ASIC2: variants seen among roughly 807,000 people sequenced by gnomAD.
ASIC2 encodes acid sensing ion channel subunit 2.
A neutral mutation model predicts 57.3 loss-of-function variants in ASIC2; 25 were observed. The ratio of observed to expected loss-of-function variants is 0.44; its 90% CI spans 0.32 to 0.61. The LOEUF (loss-of-function observed/expected upper bound fraction) is 0.61, where lower values mean the gene tolerates loss of function less well. Among genes scored for constraint, ASIC2 ranks in the 20% least tolerant of loss-of-function variants. ASIC2 has a pLI of 0.06. For missense variants in ASIC2, 641 were observed against 738.1 expected (o/e 0.87, Z 1.52); for synonymous variants, 319 against 307.5 (o/e 1.04, Z -0.39).
intron 1 of ASIC2, among the ~76,000 whole-genome samples, chr17:33,747,525 C>T (rs1910305158): frequency 6.6e-6 from 1 of 152,080 alleles, no homozygotes; most frequent in African/African-American, 2.4e-5. Context: ...GCCTGGCCAT[C>T]CTTCCCACAC....
chr17:33,584,164 C>T (rs1273754750), intron 1 of ASIC2, among the ~76,000 whole-genome samples: 3 of 152,188 alleles, frequency 2.0e-5, no homozygotes. Context: ...ATAAAACCCC[C>T]TCTACATCTG....
intron 1 of ASIC2, among the ~76,000 whole-genome samples, chr17:34,148,260 A>T (rs1395922010): frequency 6.6e-6 from 1 of 152,190 alleles, no homozygotes; most frequent in Non-Finnish European, 1.5e-5. Flanking sequence ...GCAAGTAGAC[A>T]TTGTGGGTCA....
At chr17:33,395,491 G>A (rs969726468) in intron 1 of ASIC2, among the ~76,000 whole-genome samples, 3 of 152,096 alleles carry the variant, frequency 2.0e-5, no homozygotes, top group Non-Finnish European at 4.4e-5. Context: ...AACAGCATAG[G>A]AAAGACCTTT....
chr17:33,208,026 C>A (rs1907132922), intron 1 of ASIC2, among the ~76,000 whole-genome samples: 1 of 152,150 alleles, frequency 6.6e-6, no homozygotes, highest in Admixed American at 6.5e-5. Flanking sequence ...TCTAGAGGAG[C>A]CAGACTAAGA....
intron 1 of ASIC2, chr17:34,118,239 C>T (rs1567828425): frequency 6.6e-6 from 1 of 152,144 alleles, no homozygotes; most frequent in African/African-American, 2.4e-5. Context: ...TAGTATACAC[C>T]TCACAGAGCT....
chr17:33,323,612 G>A (rs1460814149), intron 1 of ASIC2, among the ~76,000 whole-genome samples: 3 of 152,214 alleles, frequency 2.0e-5, no homozygotes, highest in African/African-American at 7.2e-5. Flanking sequence ...TACTTGGGAG[G>A]CTGAGGCAGG....
intron 1 of ASIC2, among the ~76,000 whole-genome samples, chr17:33,397,811 CT>C (rs1187886382): frequency 6.6e-6 from 1 of 152,242 alleles, no homozygotes; most frequent in Non-Finnish European, 1.5e-5. Context: ...TCTTCCACTT[CT>C]ACAACACTTT....
intron 1 of ASIC2, among the ~76,000 whole-genome samples, chr17:33,265,460 A>G (rs562401400): frequency 6.6e-6 from 1 of 152,306 alleles, no homozygotes; most frequent in East Asian, 1.9e-4. Flanking sequence ...CTGAACAATG[A>G]GAACACATGG....
chr17:33,061,486 C>T (rs1364588013), intron 3 of ASIC2, among the ~76,000 whole-genome samples: 1 of 152,172 alleles, frequency 6.6e-6, no homozygotes, highest in Non-Finnish European at 1.5e-5. Context: ...GTATGTTGAA[C>T]CAGCCTTGCA....
intron 1 of ASIC2, among the ~76,000 whole-genome samples, chr17:33,839,665 GC>G (rs1441078294): frequency 1.3e-5 from 2 of 152,136 alleles, no homozygotes; most frequent in Non-Finnish European, 2.9e-5. Context: ...AATTATTCTA[GC>G]TGGCTTGCTG....
At chr17:33,496,603 GTTTTTTTTTTTTTTTTTT>G (rs61267122) in intron 1 of ASIC2, among the ~76,000 whole-genome samples, 10 of 70,980 alleles carry the variant, frequency 1.4e-4, no homozygotes, top group East Asian at 5.8e-4. Context: ...GTTATTGTAG[GTTTTTTTTTTTTTTTTTT>G]TTTTTTTTTT....
intron 1 of ASIC2, among the ~76,000 whole-genome samples, chr17:33,459,818 G>A (rs1912576273): frequency 6.6e-6 from 1 of 152,190 alleles, no homozygotes; most frequent in South Asian, 2.1e-4. Context: ...CCCTTTCCAG[G>A]CTGAGCTCAG....
At chr17:33,636,197 A>G (rs1268016353) in intron 1 of ASIC2, among the ~76,000 whole-genome samples, 1 of 152,248 alleles carries the variant, frequency 6.6e-6, no homozygotes, top group East Asian at 1.9e-4. Flanking sequence ...TGCAAATAAA[A>G]CATACAGGGA....
chr17:33,303,430 A>G (rs1246315306), intron 1 of ASIC2, among the ~76,000 whole-genome samples: 1 of 152,210 alleles, frequency 6.6e-6, no homozygotes, highest in Non-Finnish European at 1.5e-5. Flanking sequence ...GGAGGTACCC[A>G]TAGGTTCAAG....
chr17:33,979,632 C>T (rs1905537742), intron 1 of ASIC2, among the ~76,000 whole-genome samples: 1 of 152,116 alleles, frequency 6.6e-6, no homozygotes, highest in South Asian at 2.1e-4. Context: ...AAAATCCCAC[C>T]CCTCATACAA....
At chr17:33,795,907 CA>C (rs954731011) in intron 1 of ASIC2, among the ~76,000 whole-genome samples, 2 of 152,102 alleles carry the variant, frequency 1.3e-5, no homozygotes, top group Non-Finnish European at 2.9e-5. Context: ...TAAACAACAA[CA>C]AAAAAAGAGG....
chr17:33,903,541 T>C (rs946321345), intron 1 of ASIC2, among the ~76,000 whole-genome samples: 3 of 152,242 alleles, frequency 2.0e-5, no homozygotes, highest in African/African-American at 7.2e-5. Flanking sequence ...TAAAGAAATG[T>C]ATTCAAATTT....
At chr17:33,812,246 T>C (rs1912443525) in intron 1 of ASIC2, among the ~76,000 whole-genome samples, 1 of 152,162 alleles carries the variant, frequency 6.6e-6, no homozygotes, top group African/African-American at 2.4e-5. Flanking sequence ...ATGTCAGCAA[T>C]GCCATTTAAT....
At chr17:33,230,873 G>A (rs949304578) in intron 1 of ASIC2, among the ~76,000 whole-genome samples, 5 of 152,104 alleles carry the variant, frequency 3.3e-5, no homozygotes, top group African/African-American at 4.8e-5. Flanking sequence ...GATACGCAAC[G>A]AAAATACGTT....
Sources: gnomAD v4.1 joint callset for allele counts (sites outside exome capture counted in the v4.1 genomes callset) on GRCh38, gnomAD v4.1.1 for gene constraint, MANE v1.5 for transcripts, NCBI Gene and HGNC (gene_info 2026-07-23, HGNC 2026-07-21) for gene names.